The following LYRM4 variants were observed in gnomAD, a reference collection of about 807,000 sequenced individuals.
The protein encoded by LYRM4 is LYR motif containing 4.
In LYRM4, 9 loss-of-function variants were observed where a neutral mutation model predicts 11.7. That is an observed-to-expected ratio of 0.77 (90% CI 0.46 to 1.34). The LOEUF is 1.34. LYRM4 is among the 40% of genes most tolerant of loss of function. The probability of loss-of-function intolerance (pLI) is 0.00; values close to 1 mark genes in which losing one functional copy is unlikely to be tolerated. For synonymous variants in LYRM4, 42 were observed against 40.4 expected, an observed-to-expected ratio of 1.04 and a Z score of -0.15; for missense variants, 133 against 112.5, an observed-to-expected ratio of 1.18 and a Z score of -0.82.
intron 2 of LYRM4, among the ~76,000 whole-genome samples, chr6:5,126,301 G>C (rs951833501): frequency 3.9e-5 from 6 of 152,182 alleles, no homozygotes; most frequent in Non-Finnish European, 8.8e-5. Context: ...CAGGCCACCA[G>C]CACCAACTGA....
chr6:5,152,052 T>C (rs1263096785), intron 2 of LYRM4, among the ~76,000 whole-genome samples: 1 of 152,208 alleles, frequency 6.6e-6, no homozygotes, highest in Non-Finnish European at 1.5e-5. Context: ...TCACGCATAT[T>C]TGATGAATGA....
chr6:5,258,813 T>G (rs1375279417), intron 1 of LYRM4, among the ~76,000 whole-genome samples: 1 of 152,226 alleles, frequency 6.6e-6, no homozygotes, highest in African/African-American at 2.4e-5. Flanking sequence ...GATCTTACAG[T>G]TGCCCATACT....
At chr6:5,053,918 A>ATTT in the LYRM4 span, among the ~76,000 whole-genome samples, 1 of 152,216 alleles carries the variant, frequency 6.6e-6, no homozygotes, top group Non-Finnish European at 1.5e-5. Flanking sequence ...ACAGGTAAAG[A>ATTT]GGCTCCCAGA....
chr6:5,227,080 A>G (rs1236162631), intron 1 of LYRM4, among the ~76,000 whole-genome samples: 3 of 152,218 alleles, frequency 2.0e-5, no homozygotes, highest in Non-Finnish European at 4.4e-5. Context: ...AGGCTCTATG[A>G]GTATATTTTT....
At chr6:5,219,878 C>T (rs956733052) in intron 1 of LYRM4, among the ~76,000 whole-genome samples, 10 of 152,118 alleles carry the variant, frequency 6.6e-5, no homozygotes, top group South Asian at 2.1e-4. Flanking sequence ...ATGAGTCAGA[C>T]GCTGTCTGAA....
At chr6:5,167,310 T>C (rs1182088945) in intron 2 of LYRM4, among the ~76,000 whole-genome samples, 1 of 152,194 alleles carries the variant, frequency 6.6e-6, no homozygotes, top group African/African-American at 2.4e-5. Flanking sequence ...TCCCCAAAGA[T>C]AATCACCATT....
chr6:5,123,505 G>A (rs1763559322), intron 2 of LYRM4, among the ~76,000 whole-genome samples: 1 of 152,204 alleles, frequency 6.6e-6, no homozygotes, highest in Non-Finnish European at 1.5e-5. Context: ...CTGGGGGAAG[G>A]GGACCCTTGG....
At chr6:5,233,022 T>C (rs887528133) in intron 1 of LYRM4, among the ~76,000 whole-genome samples, 1 of 152,208 alleles carries the variant, frequency 6.6e-6, no homozygotes, top group East Asian at 1.9e-4. Context: ...TCTGTATTTA[T>C]CACAATACTT....
chr6:5,086,659 T>G, the LYRM4 span: 1 of 1,029,098 alleles, frequency 9.7e-7, no homozygotes, highest in African/African-American at 1.6e-5. Flanking sequence ...TTGCTGAGCG[T>G]GGCGAGTCTG....
intron 2 of LYRM4, among the ~76,000 whole-genome samples, chr6:5,181,100 A>G (rs1760045481): frequency 6.6e-6 from 1 of 152,238 alleles, no homozygotes; most frequent in Non-Finnish European, 1.5e-5. Flanking sequence ...CCAAATAAAC[A>G]AAACCATGAA....
the LYRM4 span, among the ~76,000 whole-genome samples, chr6:5,058,285 C>T: frequency 5.3e-5 from 8 of 152,212 alleles, no homozygotes; most frequent in Non-Finnish European, 8.8e-5. Context: ...AAGCCTTGCA[C>T]AGTGTGACAG....
At chr6:5,199,968 C>A (rs1397823089) in intron 2 of LYRM4, among the ~76,000 whole-genome samples, 1 of 152,158 alleles carries the variant, frequency 6.6e-6, no homozygotes, top group Non-Finnish European at 1.5e-5. Context: ...AGAGCATATT[C>A]ATAACAACAA....
chr6:5,220,151 T>C (rs1762502076), intron 1 of LYRM4, among the ~76,000 whole-genome samples: 1 of 152,200 alleles, frequency 6.6e-6, no homozygotes, highest in Non-Finnish European at 1.5e-5. Context: ...ATTATACTCT[T>C]TTCTGAGATT....
chr6:5,229,372 G>A (rs1442960756), intron 1 of LYRM4, among the ~76,000 whole-genome samples: 1 of 152,200 alleles, frequency 6.6e-6, no homozygotes, highest in Admixed American at 6.5e-5. Flanking sequence ...GCGGGCGATT[G>A]TCTTCCAGCT....
intron 2 of LYRM4, among the ~76,000 whole-genome samples, chr6:5,113,947 G>C (rs1312245502): frequency 6.6e-6 from 1 of 152,220 alleles, no homozygotes; most frequent in Admixed American, 6.5e-5. Flanking sequence ...ATAACCACAT[G>C]AGATAACTGT....
intron 2 of LYRM4, among the ~76,000 whole-genome samples, chr6:5,208,970 A>G (rs1486888187): frequency 6.6e-6 from 1 of 152,190 alleles, no homozygotes; most frequent in Non-Finnish European, 1.5e-5. Flanking sequence ...TATAGGGTTC[A>G]CTTAGGGGGC....
chr6:5,089,131 C>T, the LYRM4 span: 1 of 152,076 alleles, frequency 6.6e-6, no homozygotes, highest in Non-Finnish European at 1.5e-5. Context: ...TAAAAATGGT[C>T]AATGGTCATA....
the LYRM4 span, among the ~76,000 whole-genome samples, chr6:5,036,428 C>A: frequency 6.6e-6 from 1 of 152,150 alleles, no homozygotes; most frequent in East Asian, 1.9e-4. Flanking sequence ...GTGGTTTCAA[C>A]AGCAGCTCTG....
the LYRM4 span, among the ~76,000 whole-genome samples, chr6:5,080,422 C>T: frequency 3.3e-5 from 5 of 152,188 alleles, no homozygotes; most frequent in Non-Finnish European, 7.3e-5. Context: ...TCCATGTGCC[C>T]CTGGAAGAGC....
Sources: allele counts gnomAD v4.1 joint callset (sites outside exome capture counted in the v4.1 genomes callset), GRCh38; gene constraint gnomAD v4.1.1; transcripts MANE v1.5; gene names NCBI Gene and HGNC (gene_info 2026-07-23, HGNC 2026-07-21).